The following JMJD1C variants were observed in gnomAD, a reference collection of about 807,000 sequenced individuals.
The protein encoded by JMJD1C is jumonji domain containing 1C.
Under a neutral mutation model 245.3 loss-of-function variants are expected in JMJD1C, and 31 were observed. The ratio of observed to expected loss-of-function variants is 0.13; its 90% CI spans 0.09 to 0.17. The LOEUF is 0.17. JMJD1C is among the 10% of genes least tolerant of loss of function. The pLI is 1.00. For synonymous variants in JMJD1C, 1,057 were observed against 1,017.4 expected, an observed-to-expected ratio of 1.04 and a Z score of -0.74; for missense variants, 2,691 against 3,000.2, an observed-to-expected ratio of 0.90 and a Z score of 2.41.
rs1013737869 is a variant in JMJD1C at position 63,183,939 on chromosome 10, C to CT, written c.6962-371dup. Among the ~76,000 whole-genome samples, 6 of 152,144 alleles carry CT rather than the reference C, an allele frequency of 3.9e-5. No individual in the cohort carries two copies. In the South Asian group the frequency reaches 6.2e-4, roughly 16 times the overall value. On this transcript the variant is annotated intron_variant, in intron 21 of 25. Coordinates refer to ENST00000399262, the MANE Select transcript of JMJD1C (RefSeq NM_032776.3). ...TAGACAATTTGTAGGAACAGTAATT[C>CT]TTTTTTTGAGAAGGAGTCTCGCTCT... is the stretch of plus-strand genomic sequence containing the variant.
intron 1 of JMJD1C, among the ~76,000 whole-genome samples, chr10:63,421,847 C>CCCAG (rs1950143805): frequency 6.6e-6 from 1 of 152,130 alleles, no homozygotes; most frequent in African/African-American, 2.4e-5. Context: ...CTTTCTGCAA[C>CCCAG]CCAGGAAGAG....
chr10:63,312,094 C>CTTTTT (rs35328965), intron 2 of JMJD1C, among the ~76,000 whole-genome samples: 66 of 64,030 alleles, frequency 1.0e-3, no homozygotes, highest in Admixed American at 1.1e-3. Flanking sequence ...AGTAGCTAAA[C>CTTTTT]TTTTTTTTTT....
At chr10:63,481,283 T>C (rs1953820817) in intron 1 of JMJD1C, among the ~76,000 whole-genome samples, 2 of 152,236 alleles carry the variant, frequency 1.3e-5, no homozygotes, top group Admixed American at 6.5e-5. Flanking sequence ...TGATCCCTTA[T>C]AGTTTTTTAA....
At chr10:63,477,181 T>C (rs1278576606) in intron 1 of JMJD1C, among the ~76,000 whole-genome samples, 1 of 152,104 alleles carries the variant, frequency 6.6e-6, no homozygotes, top group African/African-American at 2.4e-5. Flanking sequence ...TCTGCAAATT[T>C]AAAGCAATCC....
At chr10:63,440,911 G>A (rs1375703418) in intron 1 of JMJD1C, among the ~76,000 whole-genome samples, 1 of 152,092 alleles carries the variant, frequency 6.6e-6, no homozygotes, top group Admixed American at 6.6e-5. Flanking sequence ...AAAAGCCATG[G>A]TTCAGAGAGG....
At chr10:63,336,537 C>T (rs934604622) in intron 2 of JMJD1C, among the ~76,000 whole-genome samples, 47 of 152,152 alleles carry the variant, frequency 3.1e-4, no homozygotes, top group Non-Finnish European at 5.1e-4. Flanking sequence ...TTAGTTTCCA[C>T]ATCACGATCC....
At chr10:63,493,856 C>CT (rs1954260876) in intron 1 of JMJD1C, among the ~76,000 whole-genome samples, 1 of 152,100 alleles carries the variant, frequency 6.6e-6, no homozygotes, top group Non-Finnish European at 1.5e-5. Flanking sequence ...TCAAATAACT[C>CT]TAAGAATGTT....
intron 2 of JMJD1C, among the ~76,000 whole-genome samples, chr10:63,353,965 T>G (rs1288465458): frequency 1.3e-5 from 2 of 152,046 alleles, no homozygotes; most frequent in Admixed American, 1.3e-4. Flanking sequence ...CTCAGCCTCC[T>G]GGGTAGCTGG....
chr10:63,336,738 G>A (rs761105807), intron 2 of JMJD1C, among the ~76,000 whole-genome samples: 5 of 152,118 alleles, frequency 3.3e-5, no homozygotes, highest in East Asian at 1.9e-4. Flanking sequence ...CTGACAATCC[G>A]ATATCAACTT....
intron 2 of JMJD1C, among the ~76,000 whole-genome samples, chr10:63,265,309 G>A (rs1327941782): frequency 7.3e-6 from 1 of 137,766 alleles, no homozygotes. Flanking sequence ...CCGCAGCTTC[G>A]GTGAGAGAAG....
At position 63,183,681 on chromosome 10, in the gene JMJD1C, TTA is replaced by T. The variant is rs1172369591; in HGVS notation, c.6962-114_6962-113del. ...GCATAATTTAATTGTAATTTGAGTT[TTA>T]GTTTCCTTATTACAAAAACCTGTTC... On this transcript the variant is annotated intron_variant, in intron 21 of 25. Transcript: ENST00000399262. 1.4e-5 allele frequency: 8 copies of T among 586,450 alleles called. No homozygotes were observed. In the East Asian group the frequency reaches 1.7e-4, roughly 12 times the overall value. 36.3% of individuals were successfully genotyped at this position (586,450 alleles called of 1,614,324 possible).
intron 22 of JMJD1C, among the ~76,000 whole-genome samples, chr10:63,178,458 T>C (rs1030036809): frequency 6.6e-6 from 1 of 152,176 alleles, no homozygotes; most frequent in African/African-American, 2.4e-5. Flanking sequence ...CTTGTACTCA[T>C]AGCATTTCCT....
intron 1 of JMJD1C, among the ~76,000 whole-genome samples, chr10:63,433,123 C>T (rs1481974427): frequency 6.7e-6 from 1 of 150,198 alleles, no homozygotes; most frequent in African/African-American, 2.5e-5. Context: ...CAGAGTTTTG[C>T]TCTTGTTGCC....
chr10:63,209,499 C>G (rs1847068698), intron 8 of JMJD1C, among the ~76,000 whole-genome samples: 1 of 152,100 alleles, frequency 6.6e-6, no homozygotes, highest in Non-Finnish European at 1.5e-5. Flanking sequence ...ATCTTGAAAT[C>G]AGTGCCTTAA....
At chr10:63,327,915 T>C (rs1245655614) in intron 2 of JMJD1C, among the ~76,000 whole-genome samples, 2 of 151,918 alleles carry the variant, frequency 1.3e-5, no homozygotes, top group African/African-American at 2.4e-5. Flanking sequence ...GGTGATCCAC[T>C]TGCCTCAGCC....
intron 2 of JMJD1C, among the ~76,000 whole-genome samples, chr10:63,364,210 T>C (rs1945655271): frequency 6.6e-6 from 1 of 152,144 alleles, no homozygotes; most frequent in African/African-American, 2.4e-5. Flanking sequence ...GGACTTACTA[T>C]GTTGCCCAGG....
At position 63,242,334 on chromosome 10, in the gene JMJD1C, G is replaced by T. The variant is rs546120411; in HGVS notation, c.447+22317C>A. On this transcript the variant is annotated intron_variant, in intron 3 of 25. Transcript: ENST00000399262. ...TTGAAATGTGACCTGCACGACTGAA[G>T]AACTTTTTTAAAATTTAGTTTTATT... Among the ~76,000 whole-genome samples the T allele has an allele frequency of 7.4e-4, 113 of 152,314 alleles. 1 individual carries two copies. Among genetic ancestry groups the T allele is most frequent in the South Asian group, 2.1e-3 (10 of 4,828 alleles).
chr10:63,325,067 G>A (rs915991312), intron 2 of JMJD1C, among the ~76,000 whole-genome samples: 10 of 152,100 alleles, frequency 6.6e-5, no homozygotes, highest in African/African-American at 2.4e-4. Flanking sequence ...GATTTTGTAA[G>A]CATACTGAGA....
intron 3 of JMJD1C, among the ~76,000 whole-genome samples, chr10:63,224,859 CG>C (rs1386419452): frequency 6.6e-6 from 1 of 151,864 alleles, no homozygotes; most frequent in Non-Finnish European, 1.5e-5. Flanking sequence ...GTCAGGAGTT[CG>C]AGACCATCCT....
Sources: gnomAD v4.1 joint callset for allele counts (sites outside exome capture counted in the v4.1 genomes callset) on GRCh38, gnomAD v4.1.1 for gene constraint, MANE v1.5 for transcripts, NCBI Gene and HGNC (gene_info 2026-07-23, HGNC 2026-07-21) for gene names.